Variants in ADGRL3 observed in about 807,000 individuals in gnomAD.
ADGRL3 encodes the protein adhesion G protein-coupled receptor L3.
Under a neutral mutation model 153.5 loss-of-function variants are expected in ADGRL3, and 62 were observed. The observed-to-expected ratio is 0.40, with a 90% CI of 0.33 to 0.50. The LOEUF is 0.50. Ranked by LOEUF, ADGRL3 falls within the 20% of genes least tolerant of loss-of-function variation. The probability of loss-of-function intolerance (pLI) is 0.47; values close to 1 mark genes in which losing one functional copy is unlikely to be tolerated. For synonymous variants in ADGRL3, 710 were observed against 672.5 expected (o/e 1.06, Z -0.86); for missense variants, 1,641 against 1,859.4 (o/e 0.88, Z 2.16).
At chr4:61,351,396 C>T (rs1001587480) in intron 1 of ADGRL3, among the ~76,000 whole-genome samples, 2 of 152,208 alleles carry the variant, frequency 1.3e-5, no homozygotes, top group Admixed American at 1.3e-4. Flanking sequence ...TCCAGGAGAT[C>T]TAGCTAAGAT....
At chr4:62,021,377 AT>A (rs1213076158) in intron 21 of ADGRL3, among the ~76,000 whole-genome samples, 1 of 152,164 alleles carries the variant, frequency 6.6e-6, no homozygotes, top group Non-Finnish European at 1.5e-5. Flanking sequence ...CTTGGCTGGC[AT>A]TCAAATTCAG....
In ADGRL3 at chr4:61,200,913, C is replaced by G. The variant is rs576826649; in HGVS notation, c.-1092C>G. Reference sequence around the variant, plus strand: ...TCGGGGTTCGCCGGCCCCCGGGACGCAGCCCTCGGCGGCCGGGCGCCCGCT... The same window carrying G: ...TCGGGGTTCGCCGGCCCCCGGGACGGAGCCCTCGGCGGCCGGGCGCCCGCT... On this transcript the variant is annotated 5_prime_UTR_variant, in exon 1 of 27. Transcript: ENST00000683033. 1.0e-2 allele frequency among the ~76,000 whole-genome samples: 1,518 copies of G among 151,884 alleles called. 21 individuals are homozygous for G. Among genetic ancestry groups the G allele is most frequent in the African/African-American group, 0.035 (1,451 of 41,472 alleles).
intron 25 of ADGRL3, among the ~76,000 whole-genome samples, chr4:62,056,589 A>G (rs900460915): frequency 6.6e-6 from 1 of 152,056 alleles, no homozygotes; most frequent in Admixed American, 6.6e-5. Flanking sequence ...GCCATAGAAG[A>G]TACAACCATT....
intron 2 of ADGRL3, among the ~76,000 whole-genome samples, chr4:61,469,051 G>A (rs2097915867): frequency 6.6e-6 from 1 of 151,978 alleles, no homozygotes. Context: ...CCAGCTCCAG[G>A]AACCATTAGA....
intron 1 of ADGRL3, among the ~76,000 whole-genome samples, chr4:61,232,820 A>G (rs1416379317): frequency 6.6e-6 from 1 of 152,142 alleles, no homozygotes; most frequent in Non-Finnish European, 1.5e-5. Context: ...ATGATGTTAG[A>G]AATAAGCCCT....
At chr4:61,569,423 C>G (rs2098829623) in intron 4 of ADGRL3, among the ~76,000 whole-genome samples, 1 of 152,144 alleles carries the variant, frequency 6.6e-6, no homozygotes, top group Admixed American at 6.6e-5. Flanking sequence ...TTAGCAGTCA[C>G]TCACAGTTTT....
At chr4:61,702,450 CTTTATTTTATAA>C (rs2095785018) in intron 6 of ADGRL3, among the ~76,000 whole-genome samples, 1 of 152,106 alleles carries the variant, frequency 6.6e-6, no homozygotes, top group Non-Finnish European at 1.5e-5. Flanking sequence ...TGTTTTATAA[CTTTATTTTATAA>C]TTTGCACTTA....
At chr4:61,522,682 A>G (rs1376372313) in intron 4 of ADGRL3, among the ~76,000 whole-genome samples, 1 of 152,138 alleles carries the variant, frequency 6.6e-6, no homozygotes, top group Non-Finnish European at 1.5e-5. Context: ...ACTGGGCTAA[A>G]TGATGAACAC....
intron 4 of ADGRL3, among the ~76,000 whole-genome samples, chr4:61,519,952 A>G (rs1440737910): frequency 6.6e-6 from 1 of 152,360 alleles, no homozygotes; most frequent in East Asian, 1.9e-4. Context: ...TTCGTTCTGT[A>G]GATAGCCAAA....
chr4:61,566,985 A>G (rs980979284), intron 4 of ADGRL3, among the ~76,000 whole-genome samples: 2 of 152,166 alleles, frequency 1.3e-5, no homozygotes, highest in African/African-American at 4.8e-5. Context: ...CGTTTACTTT[A>G]CTTCCCATGT....
chr4:61,969,396 C>G (rs1010218418), intron 17 of ADGRL3, among the ~76,000 whole-genome samples: 2 of 152,052 alleles, frequency 1.3e-5, no homozygotes, highest in African/African-American at 4.8e-5. Context: ...ATTCATATGA[C>G]CTTCTGTCTA....
chr4:61,250,968 T>C (rs1380700567), intron 1 of ADGRL3, among the ~76,000 whole-genome samples: 1 of 152,206 alleles, frequency 6.6e-6, no homozygotes, highest in Non-Finnish European at 1.5e-5. Flanking sequence ...ATTACTACCG[T>C]TTCTATTATG....
intron 6 of ADGRL3, among the ~76,000 whole-genome samples, chr4:61,694,477 G>A (rs755444126): frequency 3.3e-5 from 5 of 152,042 alleles, no homozygotes; most frequent in Non-Finnish European, 5.9e-5. Flanking sequence ...TCTATTAAGT[G>A]TGCAGTATGT....
intron 2 of ADGRL3, among the ~76,000 whole-genome samples, chr4:61,388,959 A>G (rs1578587693): frequency 6.6e-6 from 1 of 152,202 alleles, no homozygotes; most frequent in African/African-American, 2.4e-5. Flanking sequence ...AGCATACATT[A>G]CCACATTACA....
At chr4:61,378,758 G>A (rs2096633970) in intron 1 of ADGRL3, among the ~76,000 whole-genome samples, 1 of 151,912 alleles carries the variant, frequency 6.6e-6, no homozygotes, top group Non-Finnish European at 1.5e-5. Flanking sequence ...GTGCTTTTGT[G>A]GATTATTGAG....
At chr4:61,767,528 G>C (rs1288344947) in intron 8 of ADGRL3, among the ~76,000 whole-genome samples, 3 of 152,148 alleles carry the variant, frequency 2.0e-5, no homozygotes, top group African/African-American at 4.8e-5. Context: ...TGATGGTCTA[G>C]GGGGCTTCCG....
At chr4:61,211,713 A>G (rs1740105382) in intron 1 of ADGRL3, 1 of 152,204 alleles carries the variant, frequency 6.6e-6, no homozygotes, top group South Asian at 2.1e-4. Flanking sequence ...AGGGGTTCAA[A>G]TCTTCAGGTT....
intron 2 of ADGRL3, among the ~76,000 whole-genome samples, chr4:61,399,211 A>T (rs1353016583): frequency 3.3e-5 from 5 of 151,700 alleles, no homozygotes; most frequent in Non-Finnish European, 7.4e-5. Context: ...TAATACTCAG[A>T]TCTTTAGTTA....
At chr4:62,052,657 A>G (rs28372240) in intron 25 of ADGRL3, among the ~76,000 whole-genome samples, 4,005 of 151,356 alleles carry the variant, frequency 0.026, 184 homozygotes, top group African/African-American at 0.093. Flanking sequence ...TATTTGTAGA[A>G]TATTTTTTAT....
Sources: allele counts gnomAD v4.1 joint callset (sites outside exome capture counted in the v4.1 genomes callset), GRCh38; gene constraint gnomAD v4.1.1; transcripts MANE v1.5; gene names NCBI Gene and HGNC (gene_info 2026-07-23, HGNC 2026-07-21).